CCSER2: variants seen among roughly 807,000 people sequenced by gnomAD.
CCSER2 encodes the protein coiled-coil serine rich protein 2.
Under a neutral mutation model 92.3 loss-of-function variants are expected in CCSER2, and 46 were observed. The observed-to-expected ratio is 0.50, with a 90% confidence interval of 0.39 to 0.64. The LOEUF (loss-of-function observed/expected upper bound fraction) is 0.64. Ranked by LOEUF, CCSER2 falls within the 30% of genes least tolerant of loss-of-function variation. The pLI is 0.00. For missense variants in CCSER2, 1,244 were observed against 1,238.9 expected, an observed-to-expected ratio of 1.00 and a Z score of -0.06; for synonymous variants, 433 against 431.4, an observed-to-expected ratio of 1.00 and a Z score of -0.04.
intron 3 of CCSER2, among the ~76,000 whole-genome samples, chr10:84,376,156 A>G (rs1332693725): frequency 6.6e-6 from 1 of 152,082 alleles, no homozygotes; most frequent in Non-Finnish European, 1.5e-5. Context: ...ATCCCAACAA[A>G]TAGTTTGTAG....
intron 7 of CCSER2, among the ~76,000 whole-genome samples, chr10:84,468,204 TTAAC>T (rs1323514512): frequency 6.6e-5 from 10 of 152,162 alleles, no homozygotes; most frequent in Admixed American, 2.0e-4. Context: ...TTAGAATCCT[TTAAC>T]TAAAATTCCA....
At chr10:84,386,637 C>T (rs546171677) in intron 3 of CCSER2, among the ~76,000 whole-genome samples, 35 of 152,208 alleles carry the variant, frequency 2.3e-4, no homozygotes, top group Non-Finnish European at 3.1e-4. Flanking sequence ...AAGAATCACT[C>T]GAACCCAGGC....
At chr10:84,379,963 A>G (rs529381343) in intron 3 of CCSER2, among the ~76,000 whole-genome samples, 3 of 152,290 alleles carry the variant, frequency 2.0e-5, no homozygotes, top group East Asian at 3.9e-4. Flanking sequence ...TTCGGATTCA[A>G]TTCTCTTTGA....
chr10:84,353,577 G>A (rs142755209), intron 1 of CCSER2, among the ~76,000 whole-genome samples: 1 of 152,326 alleles, frequency 6.6e-6, no homozygotes, highest in Non-Finnish European at 1.5e-5. Flanking sequence ...TCAGCTGCAG[G>A]TGTGATTTCC....
chr10:84,425,089 C>T (rs982324306), intron 4 of CCSER2: 25 of 968,090 alleles, frequency 2.6e-5, no homozygotes, highest in East Asian at 2.3e-4. Flanking sequence ...AGATTCTTTT[C>T]GTGTTTTTGT....
At chr10:84,418,569 C>T (rs1445352079) in intron 4 of CCSER2, among the ~76,000 whole-genome samples, 1 of 152,186 alleles carries the variant, frequency 6.6e-6, no homozygotes, top group Non-Finnish European at 1.5e-5. Flanking sequence ...TTTGCCTGGT[C>T]TCACAGGCCT....
In CCSER2 at chr10:84,514,169, C is replaced by G. The variant is rs982613990; in HGVS notation, c.3046C>G (p.Arg1016Gly). The G allele has an allele frequency of 2.7e-5, 41 of 1,536,216 alleles. No individual in the cohort carries two copies. The highest frequency in any genetic ancestry group is 1.8e-4 in the South Asian group (15 of 84,062). The change falls in exon 10 of 10, where the codon CGA becomes GGA. Residue 1016 changes from arginine (R) to glycine (G), a missense_variant. By Grantham distance (125) the Arg-to-Gly change is moderately radical. Coordinates refer to ENST00000372088, the MANE Select transcript of CCSER2 (RefSeq NM_001284240.2). ...AAGCATCCCAAGGCCACTAACACAA[C>G]GAAAAGAAATCATGCAGAATCCAAA... is the stretch of plus-strand genomic sequence containing the variant. ...KTSIPRPLTQ[R>G]KEIMQNPNGN...
chr10:84,475,508 G>C (rs1847086805), intron 8 of CCSER2, among the ~76,000 whole-genome samples: 1 of 152,082 alleles, frequency 6.6e-6, no homozygotes, highest in South Asian at 2.1e-4. Flanking sequence ...TTGATTATAT[G>C]ATGGTACAAA....
At chr10:84,450,577 A>G (rs1164001038) in intron 6 of CCSER2, among the ~76,000 whole-genome samples, 1 of 152,220 alleles carries the variant, frequency 6.6e-6, no homozygotes, top group Non-Finnish European at 1.5e-5. Context: ...TCCAAGGCCA[A>G]TAAATCATAG....
At chr10:84,436,178 T>C (rs1452996492) in intron 5 of CCSER2, among the ~76,000 whole-genome samples, 1 of 143,884 alleles carries the variant, frequency 7.0e-6, no homozygotes, top group Non-Finnish European at 1.5e-5. Context: ...ATACAAAAAA[T>C]TAGCCGAGTG....
At chr10:84,463,305 T>A (rs1338592041) in intron 6 of CCSER2, among the ~76,000 whole-genome samples, 4 of 152,214 alleles carry the variant, frequency 2.6e-5, no homozygotes, top group Non-Finnish European at 5.9e-5. Flanking sequence ...TACCGTACAC[T>A]CAGGACATAG....
chr10:84,335,075 C>CA (rs1009411848), intron 1 of CCSER2, among the ~76,000 whole-genome samples: 1 of 152,064 alleles, frequency 6.6e-6, no homozygotes, highest in African/African-American at 2.4e-5. Context: ...AATAGAAATG[C>CA]AAGGCATGGC....
chr10:84,381,370 G>A (rs988675635), intron 3 of CCSER2, among the ~76,000 whole-genome samples: 1 of 152,248 alleles, frequency 6.6e-6, no homozygotes, highest in Non-Finnish European at 1.5e-5. Context: ...AGTTAATGTC[G>A]CAGGTCTAAG....
At chr10:84,396,694 G>T (rs1412243580) in intron 3 of CCSER2, among the ~76,000 whole-genome samples, 2 of 151,964 alleles carry the variant, frequency 1.3e-5, no homozygotes, top group African/African-American at 4.8e-5. Context: ...TGGGTTATGA[G>T]ACTGGCTAAT....
At chr10:84,339,125 T>G (rs1455791353) in intron 1 of CCSER2, among the ~76,000 whole-genome samples, 18 of 67,026 alleles carry the variant, frequency 2.7e-4, no homozygotes, top group East Asian at 1.7e-3. Context: ...TTTTTTTTTG[T>G]TTTTTTTTTT....
chr10:84,472,367 G>A (rs1273718500), intron 8 of CCSER2, among the ~76,000 whole-genome samples: 11 of 152,162 alleles, frequency 7.2e-5, no homozygotes, highest in South Asian at 2.1e-4. Context: ...TCAGGAGTTC[G>A]AGACCAGCCT....
intron 6 of CCSER2, among the ~76,000 whole-genome samples, chr10:84,447,079 G>A (rs1223140196): frequency 2.0e-5 from 3 of 149,322 alleles, no homozygotes; most frequent in Non-Finnish European, 4.4e-5. Context: ...ACATTTTCCC[G>A]GTACAACCGT....
intron 3 of CCSER2, among the ~76,000 whole-genome samples, chr10:84,377,988 T>C (rs1404503160): frequency 1.3e-5 from 2 of 152,216 alleles, no homozygotes; most frequent in African/African-American, 4.8e-5. Context: ...TTGGAACTTG[T>C]ATATACATTC....
In CCSER2 at chr10:84,514,070, C is replaced by G. The variant is rs566326574; in HGVS notation, c.2947C>G (p.Pro983Ala). 9.1e-6 allele frequency: 14 copies of G among 1,536,106 alleles called. No individual in the cohort carries two copies. The Admixed American group carries it at 1.2e-4, about 13-fold the overall frequency. ...NQNLKASKLR[P>A]PSGSFKQKQT... ...GAATCTGAAAGCATCTAAGCTCCGC[C>G]CCCCCTCAGGCTCTTTCAAACAAAA... The change falls in exon 10 of 10, where the codon CCC becomes GCC. Residue 983 changes from proline to alanine, a missense_variant. Coordinates refer to ENST00000372088, the MANE Select transcript of CCSER2 (RefSeq NM_001284240.2).
Sources: allele counts gnomAD v4.1 joint callset (sites outside exome capture counted in the v4.1 genomes callset), GRCh38; gene constraint gnomAD v4.1.1; transcripts MANE v1.5; gene names NCBI Gene and HGNC (gene_info 2026-07-23, HGNC 2026-07-21).